The following LDAH variants were observed in gnomAD, a reference collection of about 807,000 sequenced individuals.
LDAH encodes lipid droplet associated hydrolase, also known as lipid droplet-associated hydrolase.
Under a neutral mutation model 29.6 loss-of-function variants are expected in LDAH, and 26 were observed. The ratio of observed to expected loss-of-function variants is 0.88; its 90% CI spans 0.64 to 1.22. The LOEUF is 1.22. Among genes scored for constraint, LDAH ranks in the 50% most tolerant of loss-of-function variants. The pLI, the probability that LDAH is intolerant of heterozygous loss-of-function variation, is 0.00. For missense variants in LDAH, 344 were observed against 387.3 expected (o/e 0.89, Z 0.94); for synonymous variants, 117 against 133.0 (o/e 0.88, Z 0.83).
chr2:20,746,140 T>C (rs572233609), intron 4 of LDAH, among the ~76,000 whole-genome samples: 1 of 152,310 alleles, frequency 6.6e-6, no homozygotes, highest in South Asian at 2.1e-4. Context: ...TTAAAGAATA[T>C]AAATGATTAA....
chr2:20,821,137 G>A (rs1673251831), intron 1 of LDAH, among the ~76,000 whole-genome samples: 1 of 152,148 alleles, frequency 6.6e-6, no homozygotes, highest in South Asian at 2.1e-4. Context: ...AGAAGATGTG[G>A]AGAAACAGGA....
chr2:20,710,057 T>C (rs1664598541), intron 5 of LDAH, among the ~76,000 whole-genome samples: 1 of 152,122 alleles, frequency 6.6e-6, no homozygotes, highest in African/African-American at 2.4e-5. Flanking sequence ...GGAAATAAAG[T>C]TCACACCAGA....
At position 20,779,461 on chromosome 2, in the gene LDAH, CT is replaced by C. The variant is rs924688798; in HGVS notation, c.299-4483del. Reference sequence around the variant, plus strand: ...ACGTGTACATTCTGCTCATGTATACCTTTTTTTTTAAGAAAAAATAAAATAA... The same window carrying C: ...ACGTGTACATTCTGCTCATGTATACCTTTTTTTTAAGAAAAAATAAAATAA... On this transcript the variant is annotated intron_variant, in intron 3 of 6. Coordinates refer to ENST00000237822, the MANE Select transcript of LDAH (RefSeq NM_021925.4). 4.7e-5 allele frequency among the ~76,000 whole-genome samples: 7 copies of C among 150,380 alleles called. No homozygotes were observed. The East Asian group carries it at 5.9e-4, about 13-fold the overall frequency.
intron 3 of LDAH, among the ~76,000 whole-genome samples, chr2:20,777,108 G>A (rs1459672569): frequency 2.0e-5 from 3 of 152,180 alleles, no homozygotes; most frequent in Non-Finnish European, 4.4e-5. Flanking sequence ...TTCAATTCCT[G>A]TTATTTAAGT....
intron 4 of LDAH, among the ~76,000 whole-genome samples, chr2:20,754,522 GGAAAA>G (rs1006690458): frequency 1.8e-5 from 2 of 111,506 alleles, no homozygotes; most frequent in African/African-American, 3.9e-5. Flanking sequence ...AAAAAAAAAA[GGAAAA>G]GAAAAGAAAA....
At chr2:20,812,874 CAGA>C (rs2125148265) in intron 1 of LDAH, among the ~76,000 whole-genome samples, 1 of 152,300 alleles carries the variant, frequency 6.6e-6, no homozygotes, top group Admixed American at 6.5e-5. Context: ...AAGCACTTAA[CAGA>C]TGCTATCTAA....
intron 3 of LDAH, among the ~76,000 whole-genome samples, chr2:20,777,897 T>C (rs1669930582): frequency 6.6e-6 from 1 of 152,158 alleles, no homozygotes; most frequent in African/African-American, 2.4e-5. Flanking sequence ...TTACATTCAA[T>C]TGTATCAAAA....
intron 4 of LDAH, among the ~76,000 whole-genome samples, chr2:20,769,881 C>CA (rs1461666198): frequency 6.6e-6 from 1 of 152,018 alleles, no homozygotes; most frequent in African/African-American, 2.4e-5. Context: ...TCTCTGCCCA[C>CA]AGCAAATTAG....
chr2:20,700,107 AT>A (rs1663813796), intron 6 of LDAH, among the ~76,000 whole-genome samples: 1 of 152,236 alleles, frequency 6.6e-6, no homozygotes, highest in African/African-American at 2.4e-5. Context: ...ACTTAAATGC[AT>A]TTTTGAAACA....
intron 5 of LDAH, among the ~76,000 whole-genome samples, chr2:20,717,265 A>AT (rs921633660): frequency 1.2e-4 from 19 of 152,268 alleles, no homozygotes; most frequent in African/African-American, 4.1e-4. Context: ...TAAAATTAGA[A>AT]TTTTTTTCCA....
chr2:20,736,115 C>G (rs1323748887), intron 5 of LDAH, among the ~76,000 whole-genome samples: 1 of 152,142 alleles, frequency 6.6e-6, no homozygotes, highest in Non-Finnish European at 1.5e-5. Context: ...TAGAGTAGAG[C>G]AGTTACTGTC....
chr2:20,782,602 A>C (rs1252464899), intron 3 of LDAH, among the ~76,000 whole-genome samples: 34 of 152,190 alleles, frequency 2.2e-4, no homozygotes, highest in Non-Finnish European at 2.9e-5. Flanking sequence ...CTTTCAATAA[A>C]TTGGTCCCTT....
chr2:20,795,982 CACAA>C (rs995999799), intron 2 of LDAH, among the ~76,000 whole-genome samples: 5 of 114,778 alleles, frequency 4.4e-5, no homozygotes, highest in South Asian at 3.2e-4. Context: ...CACACACACA[CACAA>C]AATACAATTC....
intron 5 of LDAH, among the ~76,000 whole-genome samples, chr2:20,725,819 C>G (rs1051297900): frequency 1.1e-4 from 17 of 152,096 alleles, no homozygotes; most frequent in Non-Finnish European, 5.9e-5. Flanking sequence ...TTCTTTCTGG[C>G]TGAATGTTAG....
intron 5 of LDAH, among the ~76,000 whole-genome samples, chr2:20,721,731 T>C (rs6723456): frequency 0.59 from 89,741 of 151,962 alleles, 28,317 homozygotes; most frequent in African/African-American, 0.84. Context: ...TTTAGAGTTT[T>C]CCCAAAAAAC....
chr2:20,754,223 C>T (rs1668156661), intron 4 of LDAH, among the ~76,000 whole-genome samples: 1 of 152,058 alleles, frequency 6.6e-6, no homozygotes, highest in African/African-American at 2.4e-5. Flanking sequence ...CGCGGTGGCT[C>T]ATGCCTATAA....
intron 6 of LDAH, among the ~76,000 whole-genome samples, chr2:20,693,568 A>G (rs1663197039): frequency 1.3e-5 from 2 of 152,144 alleles, no homozygotes; most frequent in South Asian, 4.1e-4. Flanking sequence ...TCAAGCCGCC[A>G]CTAACAGTCA....
At position 20,697,238 on chromosome 2, in the gene LDAH, A is replaced by G. The variant is rs143085925; in HGVS notation, c.786+4332T>C. Among the ~76,000 whole-genome samples, 6 of 152,320 alleles carry G rather than the reference A, an allele frequency of 3.9e-5. No individual in the cohort carries two copies. The East Asian group carries it at 1.2e-3, about 29-fold the overall frequency. On this transcript the variant is annotated intron_variant, in intron 6 of 6. Transcript: ENST00000237822. ...TTCCCTGTCTTATTACCAAGTCCAG[A>G]TACAAAGAAATAATCTTAGATTCCT...
intron 4 of LDAH, 133 bp downstream of exon 4, chr2:20,774,677 G>A: frequency 2.3e-6 from 2 of 853,036 alleles, no homozygotes; most frequent in Non-Finnish European, 1.9e-6. Context: ...TAAGGATAAA[G>A]GCAGAAAGCA....
Sources: allele counts gnomAD v4.1 joint callset (sites outside exome capture counted in the v4.1 genomes callset), GRCh38; gene constraint gnomAD v4.1.1; transcripts MANE v1.5; gene names NCBI Gene and HGNC (gene_info 2026-07-23, HGNC 2026-07-21).